The following WDR44 variants were observed in gnomAD, a reference collection of about 807,000 sequenced individuals.
WDR44 encodes the protein WD repeat domain 44, also known as WD repeat-containing protein 44.
In WDR44, 9 loss-of-function variants were observed where a neutral mutation model predicts 65.7. The ratio of observed to expected loss-of-function variants is 0.14; its 90% CI spans 0.08 to 0.24. WDR44 has a LOEUF of 0.24. Ranked by LOEUF, WDR44 falls within the 10% of genes least tolerant of loss-of-function variation. WDR44 has a pLI of 1.00. For missense variants in WDR44, 425 were observed against 670.9 expected, an observed-to-expected ratio of 0.63 and a Z score of 4.05; for synonymous variants, 220 against 235.2, an observed-to-expected ratio of 0.94 and a Z score of 0.59.
intron 3 of WDR44, among the ~76,000 whole-genome samples, chrX:118,389,878 T>C (rs2056803877): frequency 9.2e-6 from 1 of 108,551 alleles, no homozygotes; most frequent in Admixed American, 1.0e-4. Flanking sequence ...TACTAAACTG[T>C]CTGCTTTTTA....
intron 12 of WDR44, among the ~76,000 whole-genome samples, chrX:118,412,027 A>G (rs758889419): frequency 8.9e-6 from 1 of 112,417 alleles, no homozygotes; most frequent in Non-Finnish European, 1.9e-5. Flanking sequence ...TTACAGTATT[A>G]GATGGTGATA....
intron 1 of WDR44, among the ~76,000 whole-genome samples, chrX:118,348,540 G>T (rs2147654166): frequency 8.9e-6 from 1 of 111,960 alleles, no homozygotes; most frequent in African/African-American, 3.2e-5. Flanking sequence ...TGGATTTCAG[G>T]GCTCCTTTCT....
chrX:118,369,613 C>T (rs906594234), intron 1 of WDR44, among the ~76,000 whole-genome samples: 8 of 106,439 alleles, frequency 7.5e-5, no homozygotes, highest in South Asian at 4.3e-4. Context: ...GGGCTACAGG[C>T]GCCCACCACC....
intron 12 of WDR44, among the ~76,000 whole-genome samples, chrX:118,426,456 C>CT (rs964374659): frequency 2.2e-4 from 24 of 111,492 alleles, no homozygotes; most frequent in African/African-American, 7.8e-4. Flanking sequence ...AATCGCAGCA[C>CT]TTTAAGAGGC....
chrX:118,352,353 T>TATATATATATATATATA (rs1491172810), intron 1 of WDR44, among the ~76,000 whole-genome samples: 8 of 15,781 alleles, frequency 5.1e-4, no homozygotes, highest in Non-Finnish European at 5.2e-4. Context: ...TATATATATA[T>TATATATATATATATATA]TTTTTTTTTT....
intron 1 of WDR44, among the ~76,000 whole-genome samples, chrX:118,366,816 G>A (rs1300031043): frequency 8.9e-6 from 1 of 111,782 alleles, no homozygotes; most frequent in Non-Finnish European, 1.9e-5. Flanking sequence ...AAATGGTTTC[G>A]GCCGGGCGCA....
At chrX:118,421,581 A>G (rs957609055) in intron 12 of WDR44, among the ~76,000 whole-genome samples, 2 of 111,596 alleles carry the variant, frequency 1.8e-5, no homozygotes, top group African/African-American at 6.5e-5. Context: ...TTTTCTTATG[A>G]TAGTGATATC....
At chrX:118,388,763 CT>C (rs2056793615) in intron 3 of WDR44, among the ~76,000 whole-genome samples, 1 of 111,511 alleles carries the variant, frequency 9.0e-6, no homozygotes, top group Non-Finnish European at 1.9e-5. Flanking sequence ...TCAGCATTTC[CT>C]TCTGGTCCTC....
At chrX:118,397,153 T>A (rs772640294) in intron 7 of WDR44, 47 bp downstream of exon 7, 14 of 1,069,769 alleles carry the variant, frequency 1.3e-5, no homozygotes, top group Non-Finnish European at 1.7e-5. Flanking sequence ...TTCAGAGTTG[T>A]TAAGATTTCT....
chrX:118,402,724 G>T (rs777332843), intron 8 of WDR44, among the ~76,000 whole-genome samples: 92 of 111,791 alleles, frequency 8.2e-4, no homozygotes, highest in African/African-American at 2.9e-3. Flanking sequence ...CTCCAGTCTG[G>T]GCAACAGAGC....
intron 1 of WDR44, among the ~76,000 whole-genome samples, chrX:118,365,127 T>TA (rs2056542050): frequency 8.9e-6 from 1 of 111,935 alleles, no homozygotes; most frequent in Admixed American, 9.5e-5. Flanking sequence ...GAAGAGAACT[T>TA]ACCATTCCCC....
At chrX:118,407,417 CT>C (rs1424641657) in intron 10 of WDR44, among the ~76,000 whole-genome samples, 3 of 108,715 alleles carry the variant, frequency 2.8e-5, no homozygotes, top group East Asian at 2.9e-4. Context: ...AGGAGAATTG[CT>C]TGAACCCAGG....
In WDR44 at chrX:118,346,268, C is replaced by T; in HGVS notation, c.-236C>T. The T allele has an allele frequency of 2.4e-6, 1 of 414,083 alleles. No homozygotes were observed. The highest frequency in any genetic ancestry group is 4.2e-6 in the Non-Finnish European group (1 of 238,392). 34.1% of individuals were successfully genotyped at this position (414,083 alleles called of 1,213,427 possible). A position where few individuals can be genotyped will look rare whatever the true frequency, so the allele number is the denominator to read the frequency against. On this transcript the variant is annotated 5_prime_UTR_variant, in exon 1 of 20. Coordinates refer to ENST00000254029, the MANE Select transcript of WDR44 (RefSeq NM_019045.5). ...CACTGGGAGCGGTGGCAGCAACATT[C>T]CCTGGACCAACCGCCGCCTCTTCAG...
chrX:118,398,626 A>C (rs1375611271), intron 8 of WDR44, among the ~76,000 whole-genome samples, 156 bp downstream of exon 8: 1 of 112,585 alleles, frequency 8.9e-6, no homozygotes, highest in Non-Finnish European at 1.9e-5. Context: ...AGTTGTATTG[A>C]TTAGTTTTAA....
At chrX:118,371,997 CTT>C (rs754818345) in intron 1 of WDR44, among the ~76,000 whole-genome samples, 12 of 93,043 alleles carry the variant, frequency 1.3e-4, no homozygotes, top group Non-Finnish European at 1.5e-4. Context: ...TTTTTTATTT[CTT>C]TTTTTTTTTT....
chrX:118,387,211 A>T, intron 2 of WDR44, 129 bp from the exon 3 acceptor site: 1 of 337,934 alleles, frequency 3.0e-6, no homozygotes, highest in East Asian at 5.1e-5. Flanking sequence ...AAAGAAGAAG[A>T]AGAAATCAAA....
chrX:118,366,901 C>T (rs1339834563), intron 1 of WDR44, among the ~76,000 whole-genome samples: 3 of 111,236 alleles, frequency 2.7e-5, no homozygotes, highest in African/African-American at 6.5e-5. Context: ...ATGGAGACCA[C>T]GGTGAAACCC....
chrX:118,354,396 C>T (rs1010678745), intron 1 of WDR44, among the ~76,000 whole-genome samples: 3 of 102,922 alleles, frequency 2.9e-5, no homozygotes, highest in African/African-American at 1.1e-4. Context: ...CTGGCCTGGG[C>T]GATGGAGCCA....
intron 14 of WDR44, among the ~76,000 whole-genome samples, chrX:118,437,359 T>A (rs1329265574): frequency 8.9e-6 from 1 of 111,875 alleles, no homozygotes; most frequent in Non-Finnish European, 1.9e-5. Flanking sequence ...ATGAGAAAAA[T>A]CTGCTGTCAT....
Sources: allele counts gnomAD v4.1 joint callset (sites outside exome capture counted in the v4.1 genomes callset), GRCh38; gene constraint gnomAD v4.1.1; transcripts MANE v1.5; gene names NCBI Gene and HGNC (gene_info 2026-07-23, HGNC 2026-07-21).